Variants in MARCHF1 observed in about 807,000 individuals in gnomAD.
MARCHF1 encodes the protein membrane associated ring-CH-type finger 1, also known as E3 ubiquitin-protein ligase MARCHF1.
MARCHF1 carries 40 observed loss-of-function variants against 54.2 expected under a neutral mutation model. The ratio of observed to expected loss-of-function variants is 0.74; its 90% CI spans 0.57 to 0.96. MARCHF1 has a LOEUF of 0.96. Ranked by LOEUF, MARCHF1 falls within the 40% of genes least tolerant of loss-of-function variation. The probability of loss-of-function intolerance (pLI) is 0.00; values close to 1 mark genes in which losing one functional copy is unlikely to be tolerated. For synonymous variants in MARCHF1, 236 were observed against 236.3 expected (o/e 1.00, Z 0.01); for missense variants, 586 against 656.5 (o/e 0.89, Z 1.17).
chr4:163,651,527 T>G (rs989748188), intron 5 of MARCHF1, among the ~76,000 whole-genome samples: 6 of 79,706 alleles, frequency 7.5e-5, no homozygotes, highest in African/African-American at 2.6e-4. Flanking sequence ...GTACCATACT[T>G]TTTTTTTTTT....
intron 7 of MARCHF1, among the ~76,000 whole-genome samples, chr4:163,601,685 TTCTA>T (rs1412115922): frequency 6.6e-5 from 10 of 152,102 alleles, no homozygotes; most frequent in African/African-American, 1.7e-4. Context: ...AGCATCATAC[TTCTA>T]TCTATTTTTG....
At chr4:164,211,259 A>C (rs1731760798) in intron 1 of MARCHF1, among the ~76,000 whole-genome samples, 1 of 124,156 alleles carries the variant, frequency 8.1e-6, no homozygotes, top group African/African-American at 2.9e-5. Context: ...TATGTTAATA[A>C]GCTTGATTTA....
At position 163,766,287 on chromosome 4, in the gene MARCHF1, A is replaced by G. The variant is rs114612499; in HGVS notation, c.112-65424T>C. Reference sequence around the variant, plus strand: ...TAAGCGTCATCCAGAGCAAACCAATATAACTTTGGGGGAAAGTAAAAGATC... The same window carrying G: ...TAAGCGTCATCCAGAGCAAACCAATGTAACTTTGGGGGAAAGTAAAAGATC... On this transcript the variant is annotated intron_variant, in intron 4 of 9. Transcript: ENST00000514618. Among the ~76,000 whole-genome samples, 1,006 of 152,220 alleles carry G rather than the reference A, an allele frequency of 6.6e-3. 13 individuals carry two copies. The highest frequency in any genetic ancestry group is 0.023 in the African/African-American group (961 of 41,534).
chr4:164,247,473 G>GGGA lies in MARCHF1; in HGVS notation c.-322-135814_-322-135812dup, dbSNP rs760467998. Among the ~76,000 whole-genome samples, 166 of 151,808 alleles carry GGGA rather than the reference G, an allele frequency of 1.1e-3. 1 individual carries two copies. In the Middle Eastern group the frequency reaches 0.014, roughly 13 times the overall value. ...TGACTGTTGTGGGGTGCGGGGAGAG[G>GGGA]GGAGGGATAGCATTGGGAGATATAC... is the stretch of plus-strand genomic sequence containing the variant. On this transcript the variant is annotated intron_variant, in intron 1 of 9. Transcript: ENST00000514618.
At chr4:163,611,463 T>C (rs1033502358) in intron 7 of MARCHF1, among the ~76,000 whole-genome samples, 6 of 152,070 alleles carry the variant, frequency 3.9e-5, no homozygotes, top group Non-Finnish European at 8.8e-5. Context: ...GCAGTGAAAA[T>C]CTTCATTTGC....
At chr4:163,627,595 A>G (rs1171775466) in intron 5 of MARCHF1, among the ~76,000 whole-genome samples, 1 of 152,118 alleles carries the variant, frequency 6.6e-6, no homozygotes, top group Non-Finnish European at 1.5e-5. Context: ...GTATCGTTCA[A>G]TCTTATTTGA....
intron 7 of MARCHF1, among the ~76,000 whole-genome samples, chr4:163,609,435 G>A (rs1047786701): frequency 2.6e-5 from 4 of 151,842 alleles, no homozygotes; most frequent in Non-Finnish European, 5.9e-5. Flanking sequence ...TCACTTGGTG[G>A]AAGGCTAATT....
At chr4:164,043,675 C>A (rs1465878848) in intron 2 of MARCHF1, among the ~76,000 whole-genome samples, 13 of 152,208 alleles carry the variant, frequency 8.5e-5, no homozygotes, top group Non-Finnish European at 1.3e-4. Context: ...GTTTGAATTT[C>A]TCCCCAGAAA....
At chr4:163,777,783 A>T (rs1470998478) in intron 4 of MARCHF1, among the ~76,000 whole-genome samples, 1 of 152,198 alleles carries the variant, frequency 6.6e-6, no homozygotes, top group African/African-American at 2.4e-5. Flanking sequence ...TATAATTTAC[A>T]TACAATAAAA....
At chr4:163,781,698 T>C (rs1236461991) in intron 4 of MARCHF1, among the ~76,000 whole-genome samples, 2 of 152,198 alleles carry the variant, frequency 1.3e-5, no homozygotes, top group Admixed American at 6.5e-5. Flanking sequence ...CTGCAGATCA[T>C]TTTGTAAAGG....
intron 2 of MARCHF1, among the ~76,000 whole-genome samples, chr4:164,078,733 T>C (rs1329746974): frequency 6.6e-6 from 1 of 152,180 alleles, no homozygotes; most frequent in Non-Finnish European, 1.5e-5. Flanking sequence ...GACTATTTTA[T>C]CTTGTTTATT....
rs1467767713 is a variant in MARCHF1, at chr4:163,981,303, C to T, written c.-39+7198G>A. Among the ~76,000 whole-genome samples, 5 of 152,336 alleles carry T rather than the reference C, an allele frequency of 3.3e-5. No homozygotes were observed. The East Asian group carries it at 9.6e-4, about 29-fold the overall frequency. ...CATTTGCCTGCTTCACTTTCGTTAT[C>T]CAGATTTGCACAATTTGATGAGTGG... is the stretch of plus-strand genomic sequence containing the variant. On this transcript the variant is annotated intron_variant, in intron 3 of 9. Transcript: ENST00000514618.
At chr4:163,594,621 T>C (rs553903552) in intron 7 of MARCHF1, among the ~76,000 whole-genome samples, 1 of 151,942 alleles carries the variant, frequency 6.6e-6, no homozygotes, top group African/African-American at 2.4e-5. Context: ...TAAAAAGACA[T>C]TTCTCCAAAG....
At position 163,704,198 on chromosome 4, in the gene MARCHF1, T is replaced by A. The variant is rs954665674; in HGVS notation, c.112-3335A>T. On this transcript the variant is annotated intron_variant, in intron 4 of 9. Coordinates refer to ENST00000514618, the MANE Select transcript of MARCHF1 (RefSeq NM_001394959.1). ...GACCACTAATCTGATATTCTGCAAT[T>A]TTATTTCCCCCCTTTTTTCAGGTTA... Among the ~76,000 whole-genome samples the A allele has an allele frequency of 2.6e-5, 4 of 152,042 alleles. No homozygotes were observed. In the East Asian group the frequency reaches 7.7e-4, roughly 29 times the overall value.
intron 9 of MARCHF1, among the ~76,000 whole-genome samples, chr4:163,533,773 C>T (rs1490719576): frequency 1.3e-5 from 2 of 150,586 alleles, no homozygotes; most frequent in African/African-American, 4.9e-5. Context: ...TATAGAATTT[C>T]TTCGAGTAAG....
intron 5 of MARCHF1, among the ~76,000 whole-genome samples, chr4:163,617,379 T>C (rs1741548682): frequency 6.6e-6 from 1 of 152,168 alleles, no homozygotes; most frequent in Non-Finnish European, 1.5e-5. Context: ...CTAGAAGAGA[T>C]GTTGGATGTT....
At chr4:164,071,678 A>G (rs1229533509) in intron 2 of MARCHF1, among the ~76,000 whole-genome samples, 1 of 152,120 alleles carries the variant, frequency 6.6e-6, no homozygotes, top group Non-Finnish European at 1.5e-5. Flanking sequence ...TGCTGGTCTT[A>G]CTTCTTTTTA....
chr4:164,339,825 T>C (rs1016959553), intron 1 of MARCHF1, among the ~76,000 whole-genome samples: 1 of 151,948 alleles, frequency 6.6e-6, no homozygotes, highest in African/African-American at 2.4e-5. Context: ...TTAGCCAGAC[T>C]AAGAAAATAG....
intron 2 of MARCHF1, among the ~76,000 whole-genome samples, chr4:164,010,090 G>A (rs1250286563): frequency 2.2e-4 from 29 of 134,598 alleles, no homozygotes; most frequent in East Asian, 4.4e-4. Flanking sequence ...TTTTTTAGGC[G>A]GAGTCTCATT....
Sources: gnomAD v4.1 joint callset for allele counts (sites outside exome capture counted in the v4.1 genomes callset) on GRCh38, gnomAD v4.1.1 for gene constraint, MANE v1.5 for transcripts, NCBI Gene and HGNC (gene_info 2026-07-23, HGNC 2026-07-21) for gene names.